Variants in AOAH observed in about 807,000 individuals in gnomAD.
The protein encoded by AOAH is acyloxyacyl hydrolase, also known as acyloxyacyl hydrolase (neutrophil).
AOAH carries 64 observed loss-of-function variants against 92.2 expected under a neutral mutation model. The observed-to-expected ratio is 0.69, with a 90% CI of 0.57 to 0.86. The LOEUF (loss-of-function observed/expected upper bound fraction) is 0.86, where lower values mean the gene tolerates loss of function less well. AOAH is among the 40% of genes least tolerant of loss of function. The pLI is 0.00. For synonymous variants in AOAH, 263 were observed against 254.5 expected (o/e 1.03, Z -0.32); for missense variants, 656 against 694.6 (o/e 0.94, Z 0.62).
intron 3 of AOAH, among the ~76,000 whole-genome samples, chr7:36,664,717 TA>T (rs142717674): frequency 0.049 from 7,440 of 152,196 alleles, 220 homozygotes; most frequent in Non-Finnish European, 0.067. Flanking sequence ...TGCATTGCCA[TA>T]AAAAAATACT....
At chr7:36,652,210 G>T (rs2116459378) in intron 4 of AOAH, among the ~76,000 whole-genome samples, 1 of 152,218 alleles carries the variant, frequency 6.6e-6, no homozygotes, top group South Asian at 2.1e-4. Flanking sequence ...AAAAAAATAG[G>T]ACAGAGGCAT....
At chr7:36,714,875 T>C (rs1475357064) in intron 1 of AOAH, among the ~76,000 whole-genome samples, 2 of 152,226 alleles carry the variant, frequency 1.3e-5, no homozygotes, top group East Asian at 1.9e-4. Flanking sequence ...AATATCATAC[T>C]GAATGGGCAA....
At chr7:36,649,891 C>T (rs1330984010) in intron 4 of AOAH, among the ~76,000 whole-genome samples, 3 of 152,210 alleles carry the variant, frequency 2.0e-5, no homozygotes, top group Admixed American at 1.3e-4. Context: ...AAAGACTCAC[C>T]ATTGTTCCTG....
At chr7:36,601,024 C>T (rs962753541) in intron 11 of AOAH, among the ~76,000 whole-genome samples, 8 of 152,084 alleles carry the variant, frequency 5.3e-5, no homozygotes, top group Non-Finnish European at 1.0e-4. Context: ...GCCTGTCTGG[C>T]CTGACATACC....
rs145197601 is a variant in AOAH, at chr7:36,618,774, CA to C, written c.703-430del. ...AGCAATTCTCAAGGGGTCCATTTTG[CA>C]CATTCCTTTAGCCCCTGAGGACATT... On this transcript the variant is annotated intron_variant, in intron 9 of 20. Transcript: ENST00000617537. Among the ~76,000 whole-genome samples, 211 of 152,326 alleles carry C rather than the reference CA, an allele frequency of 1.4e-3. 1 individual carries two copies. Among genetic ancestry groups the C allele is most frequent in the Admixed American group, 0.012 (178 of 15,306 alleles).
In AOAH at chr7:36,674,011, TA is replaced by T; in HGVS notation, c.224-3del. ...AGGTGGTTTTCAAGAACAGTTTTTC[TA>T]AAAAATATAAAGAGGGAAATTGAAT... On this transcript the variant is annotated splice_polypyrimidine_tract_variant and splice_region_variant and intron_variant, in intron 2 of 20. Coordinates refer to ENST00000617537, the MANE Select transcript of AOAH (RefSeq NM_001637.4). 2 of 1,570,456 alleles carry T rather than the reference TA, an allele frequency of 1.3e-6. No homozygotes were observed. The highest frequency in any genetic ancestry group is 1.8e-6 in the Non-Finnish European group (2 of 1,141,562).
intron 13 of AOAH, among the ~76,000 whole-genome samples, chr7:36,575,808 T>C (rs1008679766): frequency 6.6e-6 from 1 of 152,260 alleles, no homozygotes; most frequent in African/African-American, 2.4e-5. Context: ...ACATCTTTTG[T>C]TAATTAGAGA....
intron 1 of AOAH, among the ~76,000 whole-genome samples, chr7:36,696,536 A>G (rs1244859658): frequency 6.6e-6 from 1 of 152,124 alleles, no homozygotes; most frequent in Non-Finnish European, 1.5e-5. Flanking sequence ...TGTTTTCTTA[A>G]TTTTAATTCT....
intron 4 of AOAH, among the ~76,000 whole-genome samples, chr7:36,639,213 TA>T (rs1170203133): frequency 6.6e-6 from 1 of 152,262 alleles, no homozygotes; most frequent in African/African-American, 2.4e-5. Context: ...TAGCAAACCC[TA>T]AAATTCTCCT....
chr7:36,546,942 G>C (rs1785840762), intron 15 of AOAH, among the ~76,000 whole-genome samples: 1 of 152,186 alleles, frequency 6.6e-6, no homozygotes, highest in African/African-American at 2.4e-5. Flanking sequence ...AAAAGTGAAT[G>C]AGTCAAAGAA....
chr7:36,571,731 T>C (rs936667596), intron 13 of AOAH, among the ~76,000 whole-genome samples: 1 of 152,200 alleles, frequency 6.6e-6, no homozygotes, highest in African/African-American at 2.4e-5. Flanking sequence ...GCTACCCTCC[T>C]GCCTGCTGCT....
At chr7:36,691,913 C>A (rs1214049621) in intron 1 of AOAH, among the ~76,000 whole-genome samples, 2 of 152,178 alleles carry the variant, frequency 1.3e-5, no homozygotes, top group Admixed American at 1.3e-4. Context: ...GCTGGAAAGG[C>A]CCCATGACGG....
intron 4 of AOAH, among the ~76,000 whole-genome samples, chr7:36,649,100 C>T (rs1456717129): frequency 6.6e-6 from 1 of 152,074 alleles, no homozygotes; most frequent in Non-Finnish European, 1.5e-5. Context: ...ATTCTATAGC[C>T]CCTAATGTGT....
chr7:36,537,302 C>T lies in AOAH; in HGVS notation c.1306+3017G>A, dbSNP rs114990422. 9.1e-4 allele frequency among the ~76,000 whole-genome samples: 136 copies of T among 149,068 alleles called. 1 individual carries two copies. The highest frequency in any genetic ancestry group is 3.2e-3 in the African/African-American group (128 of 40,486). ...ACAAACTTGTTCTATCTTTTTCTTCCTTCCATTTTGTGCTGTACATGCTAG... is the reference window on the plus strand; with the variant it reads ...ACAAACTTGTTCTATCTTTTTCTTCTTTCCATTTTGTGCTGTACATGCTAG... On this transcript the variant is annotated intron_variant, in intron 16 of 20. Coordinates refer to ENST00000617537, the MANE Select transcript of AOAH (RefSeq NM_001637.4).
intron 11 of AOAH, chr7:36,599,614 C>G (rs1171125184): frequency 6.6e-6 from 1 of 152,166 alleles, no homozygotes; most frequent in African/African-American, 2.4e-5. Flanking sequence ...ATCCATTCCC[C>G]AGAATTAAAG....
At position 36,686,773 on chromosome 7, in the gene AOAH, A is replaced by G. The variant is rs761777280; in HGVS notation, c.149T>C (p.Val50Ala). ...GTGAACTTGAGCAAGCTGTTCTATT[A>G]CAGACACCACCAGCACACACCCTGC... is the stretch of plus-strand genomic sequence containing the variant. ...TCVGCVLVVS[V>A]IEQLAQVHNS... The change falls in exon 2 of 21, where the codon GTA becomes GCA. Residue 50 changes from valine (V) to alanine (A), a missense_variant. Val to Ala is a moderately conservative substitution (Grantham distance 64, BLOSUM62 0). Coordinates refer to ENST00000617537, the MANE Select transcript of AOAH (RefSeq NM_001637.4). The G allele has an allele frequency of 6.3e-7, 1 of 1,577,128 alleles. No individual in the cohort carries two copies. The highest frequency in any genetic ancestry group is 1.2e-5 in the South Asian group (1 of 85,742).
chr7:36,644,177 T>C (rs1203178699), intron 4 of AOAH, among the ~76,000 whole-genome samples: 1 of 152,176 alleles, frequency 6.6e-6, no homozygotes, highest in African/African-American at 2.4e-5. Flanking sequence ...CTCCCTCTTT[T>C]ACAGATGTGG....
intron 16 of AOAH, among the ~76,000 whole-genome samples, chr7:36,532,870 A>T (rs1784782721): frequency 6.6e-6 from 1 of 152,084 alleles, no homozygotes; most frequent in Admixed American, 6.5e-5. Flanking sequence ...AGCTCTGACC[A>T]CGTAGTTCCC....
intron 20 of AOAH, among the ~76,000 whole-genome samples, chr7:36,521,363 C>T (rs1047878565): frequency 2.6e-5 from 4 of 152,268 alleles, no homozygotes; most frequent in South Asian, 2.1e-4. Context: ...AAAGAAATGT[C>T]GTGAGCAAGT....
Sources: gnomAD v4.1 joint callset for allele counts (sites outside exome capture counted in the v4.1 genomes callset) on GRCh38, gnomAD v4.1.1 for gene constraint, MANE v1.5 for transcripts, NCBI Gene and HGNC (gene_info 2026-07-23, HGNC 2026-07-21) for gene names.